The following VPS13B variants were observed in gnomAD, a reference collection of about 807,000 sequenced individuals.
VPS13B encodes the protein intermembrane lipid transfer protein VPS13B.
In VPS13B, 285 loss-of-function variants were observed where a neutral mutation model predicts 426.4. That is an observed-to-expected ratio of 0.67 (90% CI 0.61 to 0.74). The LOEUF is 0.74. Ranked by LOEUF, VPS13B falls within the 30% of genes least tolerant of loss-of-function variation. The pLI, the probability that VPS13B is intolerant of heterozygous loss-of-function variation, is 0.00. For synonymous variants in VPS13B, 1,676 were observed against 1,676.4 expected (o/e 1.00, Z 0.01); for missense variants, 4,537 against 4,782.6 (o/e 0.95, Z 1.51).
chr8:99,741,015 A>G (rs1481700355), intron 39 of VPS13B, among the ~76,000 whole-genome samples: 1 of 152,234 alleles, frequency 6.6e-6, no homozygotes, highest in Non-Finnish European at 1.5e-5. Context: ...TCCAATTAAA[A>G]GAAACAGACT....
intron 30 of VPS13B, among the ~76,000 whole-genome samples, chr8:99,554,807 TCC>T (rs1449162531): frequency 6.6e-6 from 1 of 152,102 alleles, no homozygotes; most frequent in Non-Finnish European, 1.5e-5. Flanking sequence ...AAAATGCCTC[TCC>T]TTCATACCCC....
At chr8:99,119,066 A>G (rs1847815482) in intron 7 of VPS13B, among the ~76,000 whole-genome samples, 2 of 152,010 alleles carry the variant, frequency 1.3e-5, no homozygotes, top group South Asian at 2.1e-4. Flanking sequence ...CTTTTTTGCC[A>G]TTGGGATGAG....
At chr8:99,343,218 T>G (rs1322788642) in intron 19 of VPS13B, among the ~76,000 whole-genome samples, 1 of 151,896 alleles carries the variant, frequency 6.6e-6, no homozygotes, top group African/African-American at 2.4e-5. Context: ...CTCAGCCTCC[T>G]GAGTAGCTGG....
intron 33 of VPS13B, among the ~76,000 whole-genome samples, chr8:99,578,412 C>G (rs1311752421): frequency 6.6e-6 from 1 of 152,056 alleles, no homozygotes; most frequent in African/African-American, 2.4e-5. Flanking sequence ...AGCACTGTTT[C>G]CATTCTGCCA....
chr8:99,869,464 A>AAGAG (rs1258081082), intron 59 of VPS13B, among the ~76,000 whole-genome samples: 1 of 152,136 alleles, frequency 6.6e-6, no homozygotes, highest in Non-Finnish European at 1.5e-5. Flanking sequence ...GAGCATCCTT[A>AAGAG]AGAGACCACA....
At chr8:99,150,180 A>G (rs1419589871) in intron 14 of VPS13B, among the ~76,000 whole-genome samples, 2 of 152,220 alleles carry the variant, frequency 1.3e-5, no homozygotes, top group African/African-American at 2.4e-5. Context: ...CAATTAAAAT[A>G]TGTCTGCATT....
chr8:99,567,475 T>A (rs1468698381), intron 31 of VPS13B, among the ~76,000 whole-genome samples: 1 of 145,474 alleles, frequency 6.9e-6, no homozygotes, highest in Non-Finnish European at 1.5e-5. Flanking sequence ...AAGTTTTTGT[T>A]GGTGTTTTTT....
chr8:99,119,677 T>C (rs578239224), intron 7 of VPS13B, among the ~76,000 whole-genome samples: 4 of 152,302 alleles, frequency 2.6e-5, no homozygotes, highest in African/African-American at 9.6e-5. Flanking sequence ...TGAAAGAAGG[T>C]AAACATTCAT....
intron 39 of VPS13B, among the ~76,000 whole-genome samples, chr8:99,744,888 T>C (rs1809997359): frequency 6.6e-6 from 1 of 151,946 alleles, no homozygotes; most frequent in East Asian, 1.9e-4. Flanking sequence ...AGTTAATGGG[T>C]GCAGCACACC....
chr8:99,547,329 C>G (rs1824038904), intron 30 of VPS13B, among the ~76,000 whole-genome samples: 1 of 151,982 alleles, frequency 6.6e-6, no homozygotes, highest in Non-Finnish European at 1.5e-5. Flanking sequence ...TATTATATCC[C>G]CTGTCCTATT....
At chr8:99,575,870 A>T (rs1825751050) in intron 32 of VPS13B, 86 bp downstream of exon 32, 5 of 1,385,870 alleles carry the variant, frequency 3.6e-6, no homozygotes, top group Non-Finnish European at 5.0e-6. Flanking sequence ...GTTTCAGCCC[A>T]TAGGACTTCA....
At position 99,720,983 on chromosome 8, in the gene VPS13B, C is replaced by T; in HGVS notation, c.6986C>T (p.Pro2329Leu). 1.9e-6 allele frequency: 3 copies of T among 1,614,020 alleles called. No individual in the cohort carries two copies. The highest frequency in any genetic ancestry group is 1.7e-6 in the Non-Finnish European group (2 of 1,179,930). ...GTACTCACCCTTGTACGAATAACTCCTGTACCTTTTAACACCACAGAGGAT... is the reference window on the plus strand; with the variant it reads ...GTACTCACCCTTGTACGAATAACTCTTGTACCTTTTAACACCACAGAGGAT... ...PRVLTLVRIT[P>L]VPFNTTEDPD... is the part of the protein sequence containing the mutation. The change falls in exon 39 of 62, where the codon CCT (proline) becomes CTT (leucine). Residue 2329 changes from proline to leucine, a missense_variant. Pro to Leu is a moderately conservative substitution (Grantham distance 98). Coordinates refer to ENST00000357162, the MANE Select transcript of VPS13B (RefSeq NM_152564.5).
At chr8:99,708,861 A>T (rs1269281077) in intron 36 of VPS13B, among the ~76,000 whole-genome samples, 5 of 151,510 alleles carry the variant, frequency 3.3e-5, no homozygotes, top group Non-Finnish European at 5.9e-5. Flanking sequence ...ATATATATAT[A>T]TAGGCTCTCT....
rs1460175519 is a variant in VPS13B at position 99,478,460 on chromosome 8, T to G, written c.3667-3139T>G. ...TTTTTTTGTTTTGTTTTTTTTTTTT[T>G]TTTTTGTTTTTTGTTTTTTTTTTTT... On this transcript the variant is annotated intron_variant, in intron 24 of 61. Transcript: ENST00000357162. Among the ~76,000 whole-genome samples, 1,162 of 126,048 alleles carry G rather than the reference T, an allele frequency of 9.2e-3. 8 individuals are homozygous for G. Among genetic ancestry groups the G allele is most frequent in the African/African-American group, 0.024 (755 of 30,956 alleles). The allele number at this position is 126,048 out of a possible 152,430, so 82.7% of individuals were successfully genotyped here.
intron 2 of VPS13B, among the ~76,000 whole-genome samples, chr8:99,028,575 A>AC (rs1842288429): frequency 1.6e-5 from 1 of 64,116 alleles, no homozygotes; most frequent in African/African-American, 5.9e-5. Flanking sequence ...CAGGGGGCTG[A>AC]CCCCCCTCCC....
intron 15 of VPS13B, among the ~76,000 whole-genome samples, chr8:99,168,273 A>G (rs1812129124): frequency 6.6e-6 from 1 of 152,100 alleles, no homozygotes; most frequent in African/African-American, 2.4e-5. Flanking sequence ...AAAAAATGAC[A>G]GAATAGTATG....
chr8:99,861,691 G>A, intron 57 of VPS13B, 85 bp from the exon 58 acceptor site: 1 of 1,528,288 alleles, frequency 6.5e-7, no homozygotes, highest in Non-Finnish European at 8.9e-7. Context: ...GGGGCCACAG[G>A]TGCTCCCGCT....
At chr8:99,410,033 G>C (rs77925444) in intron 21 of VPS13B, among the ~76,000 whole-genome samples, 1 of 152,066 alleles carries the variant, frequency 6.6e-6, no homozygotes, top group Non-Finnish European at 1.5e-5. Context: ...GGTGGGATGG[G>C]GGAATACTTG....
At chr8:99,715,887 A>C (rs377706862) in intron 36 of VPS13B, among the ~76,000 whole-genome samples, 1 of 152,196 alleles carries the variant, frequency 6.6e-6, no homozygotes, top group East Asian at 1.9e-4. Flanking sequence ...TTAAGTCAGA[A>C]AATTATGGCT....
Sources: allele counts gnomAD v4.1 joint callset (sites outside exome capture counted in the v4.1 genomes callset), GRCh38; gene constraint gnomAD v4.1.1; transcripts MANE v1.5; gene names NCBI Gene and HGNC (gene_info 2026-07-23, HGNC 2026-07-21).